SMIM43: variants seen among roughly 807,000 people sequenced by gnomAD.
SMIM43 encodes the protein Nodal Enhanced MEsendoderm Peptide.
At chr4:121,764,794 G>A (rs879245369) in intron 1 of SMIM43, 23 bp downstream of exon 1, 4 of 394,888 alleles carry the variant, frequency 1.0e-5, no homozygotes, top group Non-Finnish European at 1.8e-5. Context: ...GAACGGACCC[G>A]TCAGAGCCGC....
chr4:121,761,731 T>C (rs1195227092), intron 4 of SMIM43, 36 bp from the exon 5 acceptor site: 7 of 1,611,056 alleles, frequency 4.3e-6, no homozygotes, highest in African/African-American at 1.3e-5. Context: ...ATCTACTTTA[T>C]TAGACATTTT....
chr4:121,761,538 C>A lies in SMIM43; in HGVS notation c.*499G>T. On this transcript the variant is annotated splice_region_variant and 3_prime_UTR_variant, in exon 5 of 6. Transcript: ENST00000643802. ...AGAGTATTTCATATTTTTTACTCAC[C>A]TAGTTCCAAGTTTCCACCCCTGCAA... 1 of 1,591,526 alleles carries A rather than the reference C, an allele frequency of 6.3e-7. No homozygotes were observed. Among genetic ancestry groups the A allele is most frequent in the Admixed American group, 1.8e-5 (1 of 55,046 alleles).
In SMIM43 at chr4:121,761,581, C is replaced by A. The variant is rs1260520484; in HGVS notation, c.*456G>T. 8 of 1,613,106 alleles carry A rather than the reference C, an allele frequency of 5.0e-6. No individual in the cohort carries two copies. Among genetic ancestry groups the A allele is most frequent in the Non-Finnish European group, 5.9e-6 (7 of 1,179,558 alleles). ...CCCTGCAAGCGAACCAAAAACAAAT[C>A]CTGGCACCTTGCCATTCCCAGAAAA... On this transcript the variant is annotated 3_prime_UTR_variant, in exon 5 of 6. Coordinates refer to ENST00000643802, the MANE Select transcript of SMIM43 (RefSeq NM_001384332.1).
At chr4:121,764,707 G>C (rs997490596) in intron 1 of SMIM43, 110 bp downstream of exon 1, 1 of 388,778 alleles carries the variant, frequency 2.6e-6, no homozygotes, top group Non-Finnish European at 4.5e-6. Context: ...TACACCCACC[G>C]TCCCTGGCAC....
rs199740209 is a variant in SMIM43 at position 121,760,348 on chromosome 4, G to T, written c.*626C>A. ...ATGACACAGTTCTGGCCAATGAGAT[G>T]AAGGCAAAAGTTATTGGGCTGCTGA... is the stretch of plus-strand genomic sequence containing the variant. On this transcript the variant is annotated 3_prime_UTR_variant, in exon 6 of 6. Transcript: ENST00000643802. 6.2e-6 allele frequency: 10 copies of T among 1,613,862 alleles called. No homozygotes were observed. Among genetic ancestry groups the T allele is most frequent in the Non-Finnish European group, 6.8e-6 (8 of 1,179,898 alleles).
chr4:121,761,912 A>T lies in SMIM43; in HGVS notation c.*279-20T>A, dbSNP rs745420867. On this transcript the variant is annotated intron_variant, in intron 3 of 5. Transcript: ENST00000643802. ...GAACACCTGAAATTTAGAAACAATG[A>T]TGAAATAATAACATTTGAAATAAAA... The T allele has an allele frequency of 6.4e-7, 1 of 1,563,978 alleles. No individual in the cohort carries two copies. Among genetic ancestry groups the T allele is most frequent in the Non-Finnish European group, 8.8e-7 (1 of 1,142,066 alleles).
At chr4:121,764,665 T>C (rs2110530447) in intron 1 of SMIM43, 152 bp downstream of exon 1, 1 of 375,874 alleles carries the variant, frequency 2.7e-6, no homozygotes, top group East Asian at 3.9e-5. Context: ...TTAGGGTCCC[T>C]CTCGAAGAGC....
At position 121,759,312 on chromosome 4, in the gene SMIM43, T is replaced by A. The variant is rs1024635140; in HGVS notation, c.*1662A>T. The A allele has an allele frequency of 6.6e-6, 1 of 152,124 alleles. No individual in the cohort carries two copies. The highest frequency in any genetic ancestry group is 1.5e-5 in the Non-Finnish European group (1 of 68,022). The allele number at this position is 152,124 out of a possible 1,614,324, so 9.4% of individuals were successfully genotyped here. A position where few individuals can be genotyped will look rare whatever the true frequency, so the allele number is the denominator to read the frequency against. On this transcript the variant is annotated 3_prime_UTR_variant, in exon 6 of 6. Transcript: ENST00000643802. ...CTTTCTTTTCCTCTGGGAGACAAATTCAATGGCAAGCTAGAATAGTGAAGA... is the reference window on the plus strand; with the variant it reads ...CTTTCTTTTCCTCTGGGAGACAAATACAATGGCAAGCTAGAATAGTGAAGA...
At chr4:121,762,385 A>G (rs1726118676) in intron 3 of SMIM43, among the ~76,000 whole-genome samples, 1 of 152,196 alleles carries the variant, frequency 6.6e-6, no homozygotes, top group Non-Finnish European at 1.5e-5. Context: ...AATAAACAGC[A>G]AAAGACAGCT....
At chr4:121,761,449 A>G in intron 5 of SMIM43, 89 bp downstream of exon 5, 1 of 1,315,962 alleles carries the variant, frequency 7.6e-7, no homozygotes, top group Non-Finnish European at 1.0e-6. Flanking sequence ...TTAAAATTTA[A>G]CTCTATTGCA....
Position 121,765,108 on chromosome 4 carries a change from T to C in SMIM43, c.-3A>G, listed in dbSNP as rs1726283748. On this transcript the variant is annotated 5_prime_UTR_variant, in exon 1 of 6. Transcript: ENST00000643802. ...AGCAAGTTGAGTTCCCACTCCATGC[T>C]GGAGGCGCCGGCGCTCGCTGGCCCT... The C allele has an allele frequency of 7.6e-6, 3 of 397,236 alleles. No individual in the cohort carries two copies. In the East Asian group the frequency reaches 1.1e-4, roughly 14 times the overall value. The allele number at this position is 397,236 out of a possible 1,614,324, so 24.6% of individuals were successfully genotyped here.
At chr4:121,760,674 C>G (rs1436403368) in intron 5 of SMIM43, among the ~76,000 whole-genome samples, 200 bp from the exon 6 acceptor site, 1 of 152,100 alleles carries the variant, frequency 6.6e-6, no homozygotes, top group Non-Finnish European at 1.5e-5. Context: ...ATCTTGATTC[C>G]CAATAGGAAA....
Position 121,762,716 on chromosome 4 carries a change from A to T in SMIM43, c.*278+11T>A, listed in dbSNP as rs901844307. ...ATTGGATTAATACTGAGATGGTAAT[A>T]AACTACTCACCCTGACTTTTCAATA... On this transcript the variant is annotated intron_variant, in intron 3 of 5. Transcript: ENST00000643802. 2.0e-5 allele frequency: 3 copies of T among 152,220 alleles called. No individual in the cohort carries two copies. The highest frequency in any genetic ancestry group is 6.5e-5 in the Admixed American group (1 of 15,284). 9.4% of individuals were successfully genotyped at this position (152,220 alleles called of 1,614,324 possible).
At chr4:121,763,607 G>A (rs1726185085) in intron 2 of SMIM43, among the ~76,000 whole-genome samples, 157 bp downstream of exon 2, 1 of 152,172 alleles carries the variant, frequency 6.6e-6, no homozygotes, top group Non-Finnish European at 1.5e-5. Context: ...TGGCTTTGTG[G>A]ATCTGGTAGA....
chr4:121,760,281 A>G lies in SMIM43; in HGVS notation c.*693T>C. The G allele has an allele frequency of 6.3e-7, 1 of 1,591,004 alleles. No individual in the cohort carries two copies. Among genetic ancestry groups the G allele is most frequent in the East Asian group, 2.3e-5 (1 of 44,410 alleles). On this transcript the variant is annotated 3_prime_UTR_variant, in exon 6 of 6. Coordinates refer to ENST00000643802, the MANE Select transcript of SMIM43 (RefSeq NM_001384332.1). ...AAAGGCAGTTATATATCCAGCTACA[A>G]AAACTACATTTCTCAGACAATCTTG...
intron 5 of SMIM43, 79 bp from the exon 6 acceptor site, chr4:121,760,553 C>T: frequency 1.4e-6 from 2 of 1,441,312 alleles, no homozygotes; most frequent in Non-Finnish European, 1.8e-6. Context: ...CCAGCACCAG[C>T]AGCTGCCTGC....
Position 121,760,411 on chromosome 4 carries a change from G to C in SMIM43, c.*563C>G. On this transcript the variant is annotated 3_prime_UTR_variant, in exon 6 of 6. Coordinates refer to ENST00000643802, the MANE Select transcript of SMIM43 (RefSeq NM_001384332.1). ...AAAGGAAGTGGATTTGAACTGGCAT[G>C]CCCCGTTTTCTCTGTGGGCTTCCTC... 2.5e-6 allele frequency: 4 copies of C among 1,573,450 alleles called. No individual in the cohort carries two copies. Among genetic ancestry groups the C allele is most frequent in the Non-Finnish European group, 2.6e-6 (3 of 1,158,142 alleles).
At chr4:121,764,755 G>T (rs1004012658) in intron 1 of SMIM43, 62 bp downstream of exon 1, 3 of 394,470 alleles carry the variant, frequency 7.6e-6, no homozygotes, top group African/African-American at 6.2e-5. Flanking sequence ...CCACAGGAGC[G>T]GAGACGCGGG....
rs753454519 is a variant in SMIM43 at position 121,760,319 on chromosome 4, G to A, written c.*655C>T. The A allele has an allele frequency of 5.0e-6, 8 of 1,611,746 alleles. No individual in the cohort carries two copies. Among genetic ancestry groups the A allele is most frequent in the Non-Finnish European group, 5.9e-6 (7 of 1,179,430 alleles). ...TCAGACAATCTTGCAGATAGCAGTAGCCAATGACACAGTTCTGGCCAATGA... is the reference window on the plus strand; with the variant it reads ...TCAGACAATCTTGCAGATAGCAGTAACCAATGACACAGTTCTGGCCAATGA... On this transcript the variant is annotated 3_prime_UTR_variant, in exon 6 of 6. Coordinates refer to ENST00000643802, the MANE Select transcript of SMIM43 (RefSeq NM_001384332.1).
Sources: gnomAD v4.1 joint callset for allele counts (sites outside exome capture counted in the v4.1 genomes callset) on GRCh38, gnomAD v4.1.1 for gene constraint, MANE v1.5 for transcripts, NCBI Gene and HGNC (gene_info 2026-07-23, HGNC 2026-07-21) for gene names.